The following ADAM7 variants were observed in gnomAD, a reference collection of about 807,000 sequenced individuals.
ADAM7 encodes ADAM metallopeptidase domain 7.
ADAM7 carries 97 observed loss-of-function variants against 102.9 expected under a neutral mutation model. The observed-to-expected ratio is 0.94, with a 90% CI of 0.80 to 1.12. The LOEUF is 1.12. Among genes scored for constraint, ADAM7 ranks in the 50% most tolerant of loss-of-function variants. The probability of loss-of-function intolerance (pLI) is 0.00; values close to 1 mark genes in which losing one functional copy is unlikely to be tolerated. For missense variants in ADAM7, 991 were observed against 908.7 expected, an observed-to-expected ratio of 1.09 and a Z score of -1.16; for synonymous variants, 334 against 304.4, an observed-to-expected ratio of 1.10 and a Z score of -1.01.
At chr8:24,470,279 G>T (rs1348984867) in intron 7 of ADAM7, among the ~76,000 whole-genome samples, 1 of 152,054 alleles carries the variant, frequency 6.6e-6, no homozygotes, top group African/African-American at 2.4e-5. Context: ...ATCAGGCAAG[G>T]ATAATATATT....
intron 4 of ADAM7, 69 bp downstream of exon 4, chr8:24,464,029 G>A (rs1287944415): frequency 1.5e-6 from 2 of 1,377,318 alleles, no homozygotes; most frequent in East Asian, 4.6e-5. Flanking sequence ...TTGAAACCCT[G>A]TTCTAGCTGT....
chr8:24,464,932 G>C (rs907554947), intron 4 of ADAM7, among the ~76,000 whole-genome samples: 1 of 143,842 alleles, frequency 7.0e-6, no homozygotes, highest in African/African-American at 2.5e-5. Context: ...GACTACAGGC[G>C]CACGCCACCG....
At chr8:24,500,098 G>C in intron 17 of ADAM7, 80 bp from the exon 18 acceptor site, 1 of 1,245,480 alleles carries the variant, frequency 8.0e-7, no homozygotes, top group South Asian at 1.5e-5. Context: ...GTTTGATGTA[G>C]AGGTAGCACT....
intron 2 of ADAM7, among the ~76,000 whole-genome samples, chr8:24,443,675 T>G (rs889731865): frequency 6.6e-6 from 1 of 152,126 alleles, no homozygotes; most frequent in East Asian, 1.9e-4. Context: ...CAGTGGCTCA[T>G]GCCTGTAACC....
At chr8:24,479,649 C>A (rs1819884012) in intron 8 of ADAM7, among the ~76,000 whole-genome samples, 1 of 152,086 alleles carries the variant, frequency 6.6e-6, no homozygotes, top group Non-Finnish European at 1.5e-5. Flanking sequence ...GGTCTGAGAT[C>A]CCTGTGTCTG....
In ADAM7 at chr8:24,492,601, A is replaced by G. The variant is rs763425812; in HGVS notation, c.1655+4A>G. On this transcript the variant is annotated splice_donor_region_variant and intron_variant, in intron 15 of 21. Coordinates refer to ENST00000175238, the MANE Select transcript of ADAM7 (RefSeq NM_003817.4). ...GATTTCTTCCCTGTGAGGAGAAGTA[A>G]GTGCCCTGTGGAAAAAAAGTAATTT... The G allele has an allele frequency of 5.5e-5, 89 of 1,607,948 alleles. No homozygotes were observed. Among genetic ancestry groups the G allele is most frequent in the Non-Finnish European group, 7.2e-5 (85 of 1,175,906 alleles).
chr8:24,472,343 T>C (rs1819635695), intron 7 of ADAM7, among the ~76,000 whole-genome samples: 1 of 151,950 alleles, frequency 6.6e-6, no homozygotes, highest in South Asian at 2.1e-4. Flanking sequence ...AAAAATTAAG[T>C]GGGTATCTGG....
chr8:24,454,803 C>T (rs1056549528), intron 3 of ADAM7, among the ~76,000 whole-genome samples: 1 of 152,134 alleles, frequency 6.6e-6, no homozygotes, highest in Non-Finnish European at 1.5e-5. Flanking sequence ...CTTGGCTGCC[C>T]TCCCCCTCAG....
rs201342977 is a variant in ADAM7, at chr8:24,466,834, T to C, written c.425T>C (p.Ile142Thr). The C allele has an allele frequency of 2.5e-5, 40 of 1,613,760 alleles. No homozygotes were observed. The highest frequency in any genetic ancestry group is 1.6e-4 in the Middle Eastern group (1 of 6,080). The change falls in exon 6 of 22, where the codon ATT becomes ACT. Residue 142 changes from isoleucine (I) to threonine (T), a missense_variant. Transcript: ENST00000175238. Reference sequence around the variant, plus strand: ...AGAATAAACGACCAAAGATACCTCATTGAACCAGTGAAATACTCAGATGAG... The same window carrying C: ...AGAATAAACGACCAAAGATACCTCACTGAACCAGTGAAATACTCAGATGAG... ...FFRINDQRYLIEPVKYSDEGE... is the reference protein window; with the variant it reads ...FFRINDQRYLTEPVKYSDEGE...
intron 21 of ADAM7, 82 bp downstream of exon 21, chr8:24,507,617 A>T: frequency 1.7e-6 from 2 of 1,193,292 alleles, no homozygotes; most frequent in Non-Finnish European, 2.5e-6. Context: ...CAACTCATTG[A>T]TTTACTGGGG....
At chr8:24,461,923 A>G (rs375273697) in intron 3 of ADAM7, among the ~76,000 whole-genome samples, 2 of 152,212 alleles carry the variant, frequency 1.3e-5, no homozygotes, top group Admixed American at 6.5e-5. Flanking sequence ...TAGTTATAGT[A>G]GCTGCTTTAA....
chr8:24,491,884 CTT>C lies in ADAM7; in HGVS notation c.1357-17_1357-16del, dbSNP rs774117072. ...CCTAAATGTATCCAGGATTTAGTCT[CTT>C]TGTTTTTCCTCAACAGATAAAAAAA... On this transcript the variant is annotated splice_polypyrimidine_tract_variant and intron_variant, in intron 13 of 21. Transcript: ENST00000175238. 1 of 1,566,506 alleles carries C rather than the reference CTT, an allele frequency of 6.4e-7. No homozygotes were observed. The highest frequency in any genetic ancestry group is 1.4e-5 in the African/African-American group (1 of 73,350).
chr8:24,508,419 G>A, intron 21 of ADAM7, 127 bp from the exon 22 acceptor site: 1 of 903,870 alleles, frequency 1.1e-6, no homozygotes, highest in South Asian at 1.7e-5. Flanking sequence ...ATAAAAGCAT[G>A]AATAAATGTA....
intron 18 of ADAM7, 147 bp downstream of exon 18, chr8:24,500,403 TG>T (rs1485655771): frequency 3.8e-5 from 25 of 661,092 alleles, no homozygotes; most frequent in Non-Finnish European, 5.4e-5. Context: ...ATACCCAAAT[TG>T]ATTTTACTGC....
At chr8:24,478,757 C>T (rs1819852665) in intron 8 of ADAM7, among the ~76,000 whole-genome samples, 1 of 152,158 alleles carries the variant, frequency 6.6e-6, no homozygotes, top group African/African-American at 2.4e-5. Context: ...TCTTTTCTCT[C>T]CAACAGTGGG....
At chr8:24,454,796 G>T (rs545737293) in intron 3 of ADAM7, among the ~76,000 whole-genome samples, 2 of 152,164 alleles carry the variant, frequency 1.3e-5, no homozygotes, top group African/African-American at 4.8e-5. Context: ...CGTCCATCTT[G>T]GCTGCCCTCC....
Position 24,492,047 on chromosome 8 carries a change from A to G in ADAM7, c.1501A>G (p.Met501Val), listed in dbSNP as rs774050383. 1.2e-6 allele frequency: 2 copies of G among 1,613,936 alleles called. No homozygotes were observed. Among genetic ancestry groups the G allele is most frequent in the Non-Finnish European group, 1.7e-6 (2 of 1,179,860 alleles). The change falls in exon 14 of 22, where the codon ATG becomes GTG. Residue 501 changes from methionine (M) to valine (V), a missense_variant. Transcript: ENST00000175238. ...CAAGAACTCAGAAGGCTACTGTTTC[A>G]TGGGGAAATGTCCAACTCGTGAGGA... ...PCKNSEGYCFMGKCPTREDQC... is the reference protein window; with the variant it reads ...PCKNSEGYCFVGKCPTREDQC...
intron 7 of ADAM7, among the ~76,000 whole-genome samples, chr8:24,472,807 T>C (rs1023128300): frequency 6.6e-6 from 1 of 152,140 alleles, no homozygotes; most frequent in East Asian, 1.9e-4. Context: ...ATGGAGTAGT[T>C]CAACAGAGCC....
At chr8:24,494,897 T>C (rs1361139149) in intron 16 of ADAM7, among the ~76,000 whole-genome samples, 2 of 152,042 alleles carry the variant, frequency 1.3e-5, no homozygotes, top group African/African-American at 4.8e-5. Flanking sequence ...CAGGGAAAAA[T>C]TCTATGGTCT....
Sources: allele counts gnomAD v4.1 joint callset (sites outside exome capture counted in the v4.1 genomes callset), GRCh38; gene constraint gnomAD v4.1.1; transcripts MANE v1.5; gene names NCBI Gene and HGNC (gene_info 2026-07-23, HGNC 2026-07-21).